NEBL: variants seen among roughly 807,000 people sequenced by gnomAD.
The protein encoded by NEBL is nebulette, also known as LIM and SH3 protein 2.
In NEBL, 122 loss-of-function variants were observed where a neutral mutation model predicts 140.2. The ratio of observed to expected loss-of-function variants is 0.87; its 90% CI spans 0.75 to 1.01. The LOEUF is 1.01. NEBL is among the 50% of genes least tolerant of loss of function. The probability of loss-of-function intolerance (pLI) is 0.00; values close to 1 mark genes in which losing one functional copy is unlikely to be tolerated. For missense variants in NEBL, 1,365 were observed against 1,231.3 expected (o/e 1.11, Z -1.62); for synonymous variants, 436 against 398.9 (o/e 1.09, Z -1.11).
At chr10:21,029,584 G>C in intron 2 of NEBL, 1 of 1,591,172 alleles carries the variant, frequency 6.3e-7, no homozygotes, top group Non-Finnish European at 8.6e-7. Flanking sequence ...TGACAAAACA[G>C]ATACAGACTG....
intron 7 of NEBL, among the ~76,000 whole-genome samples, chr10:20,863,336 G>A (rs1162877690): frequency 6.6e-6 from 1 of 152,118 alleles, no homozygotes; most frequent in Admixed American, 6.5e-5. Context: ...CTGAATGAAG[G>A]TGTTTCACCA....
chr10:21,189,719 G>A (rs1329926029), intron 3 of NEBL, among the ~76,000 whole-genome samples: 4 of 151,822 alleles, frequency 2.6e-5, no homozygotes, highest in Non-Finnish European at 5.9e-5. Flanking sequence ...TGCCCACCTC[G>A]GCCCCCCAAA....
At chr10:21,159,283 C>T (rs1466997723) in intron 2 of NEBL, among the ~76,000 whole-genome samples, 3 of 152,088 alleles carry the variant, frequency 2.0e-5, no homozygotes, top group African/African-American at 4.8e-5. Context: ...GAGCTAATGA[C>T]TAGACCAGTC....
intron 26 of NEBL, among the ~76,000 whole-genome samples, chr10:20,797,351 T>A (rs538701896): frequency 6.6e-6 from 1 of 152,326 alleles, no homozygotes; most frequent in East Asian, 1.9e-4. Context: ...CTTGAACTAA[T>A]GTATTCTAAT....
rs2131747685 is a variant in NEBL, at chr10:21,014,005, T to A, written c.249+6112A>T. Among the ~76,000 whole-genome samples, 5 of 152,304 alleles carry A rather than the reference T, an allele frequency of 3.3e-5. No individual in the cohort carries two copies. The South Asian group carries it at 1.0e-3, about 32-fold the overall frequency. ...GACTGTTCTAAGATTTTATTATGCA[T>A]CTGCTGCAGAAAGGTCTGCAGGCCT... On this transcript the variant is annotated intron_variant, in intron 3 of 6. Transcript: ENST00000417816.
At chr10:20,792,874 G>A (rs1358380056) in intron 26 of NEBL, among the ~76,000 whole-genome samples, 1 of 151,544 alleles carries the variant, frequency 6.6e-6, no homozygotes, top group African/African-American at 2.4e-5. Context: ...TATAACACAC[G>A]GCCATGGTAT....
chr10:20,840,090 C>T (rs1841269706), intron 13 of NEBL, among the ~76,000 whole-genome samples: 1 of 152,134 alleles, frequency 6.6e-6, no homozygotes, highest in Non-Finnish European at 1.5e-5. Context: ...GAGTCACCAT[C>T]ACCATCGTCA....
At chr10:21,085,860 G>A (rs377410767) in intron 2 of NEBL, among the ~76,000 whole-genome samples, 15 of 152,066 alleles carry the variant, frequency 9.9e-5, no homozygotes, top group Middle Eastern at 3.4e-3. Flanking sequence ...CATCTCACTC[G>A]GCAGGGCAGG....
intron 1 of NEBL, among the ~76,000 whole-genome samples, chr10:21,257,916 AACACAC>A (rs10660140): frequency 6.6e-6 from 1 of 150,542 alleles, no homozygotes; most frequent in Non-Finnish European, 1.5e-5. Context: ...AAAACATCAA[AACACAC>A]ACACACACAC....
intron 2 of NEBL, among the ~76,000 whole-genome samples, chr10:21,055,570 G>T (rs1410316964): frequency 6.6e-6 from 1 of 152,122 alleles, no homozygotes; most frequent in Non-Finnish European, 1.5e-5. Flanking sequence ...TCACCCACCA[G>T]CTATGCCACT....
intron 2 of NEBL, among the ~76,000 whole-genome samples, chr10:21,145,554 A>G (rs1839852840): frequency 6.6e-6 from 1 of 152,226 alleles, no homozygotes; most frequent in African/African-American, 2.4e-5. Context: ...ACACCTTTTC[A>G]TAGCACTTTA....
chr10:20,986,098 A>G (rs1837247673), intron 3 of NEBL, among the ~76,000 whole-genome samples: 1 of 152,338 alleles, frequency 6.6e-6, no homozygotes, highest in Middle Eastern at 3.4e-3. Flanking sequence ...AATGGAAAAT[A>G]CATCAGAGGC....
chr10:21,027,318 C>T (rs1169980138), intron 2 of NEBL, among the ~76,000 whole-genome samples: 4 of 131,972 alleles, frequency 3.0e-5, no homozygotes, highest in Non-Finnish European at 6.7e-5. Flanking sequence ...AAAACAACAA[C>T]TTTTTTTGTT....
chr10:20,975,955 G>A (rs896145548), intron 3 of NEBL, among the ~76,000 whole-genome samples: 1 of 152,162 alleles, frequency 6.6e-6, no homozygotes, highest in African/African-American at 2.4e-5. Flanking sequence ...ACCCCATCCA[G>A]TGGACAATAT....
At chr10:21,042,691 C>T (rs1834327600) in intron 2 of NEBL, among the ~76,000 whole-genome samples, 1 of 152,128 alleles carries the variant, frequency 6.6e-6, no homozygotes, top group Admixed American at 6.5e-5. Flanking sequence ...AAATCGCAAA[C>T]ACTGCAAATC....
chr10:21,125,831 A>G (rs775015947), intron 2 of NEBL: 6 of 1,608,642 alleles, frequency 3.7e-6, no homozygotes, highest in Non-Finnish European at 5.1e-6. Context: ...ATTTACAAAA[A>G]AGTCATTTTC....
At chr10:20,909,964 T>G (rs548935693) in intron 4 of NEBL, among the ~76,000 whole-genome samples, 1 of 152,292 alleles carries the variant, frequency 6.6e-6, no homozygotes, top group East Asian at 1.9e-4. Flanking sequence ...TGAATAAATA[T>G]GTCCTTTGTA....
At chr10:21,190,497 A>G (rs978471184) in intron 3 of NEBL, among the ~76,000 whole-genome samples, 7 of 152,166 alleles carry the variant, frequency 4.6e-5, no homozygotes, top group African/African-American at 7.2e-5. Flanking sequence ...TTAAAAAACA[A>G]CCAAAAAACC....
intron 8 of NEBL, 22 bp downstream of exon 8, chr10:20,859,691 T>A: frequency 1.4e-6 from 2 of 1,444,850 alleles, no homozygotes; most frequent in Non-Finnish European, 1.9e-6. Context: ...TTGAAAATAA[T>A]TTTCTATGAA....
Sources: allele counts gnomAD v4.1 joint callset (sites outside exome capture counted in the v4.1 genomes callset), GRCh38; gene constraint gnomAD v4.1.1; transcripts MANE v1.5; gene names NCBI Gene and HGNC (gene_info 2026-07-23, HGNC 2026-07-21).